The following TNFSF11 variants were observed in gnomAD, a reference collection of about 807,000 sequenced individuals.
TNFSF11 encodes tumor necrosis factor ligand superfamily member 11.
In TNFSF11, 12 loss-of-function variants were observed where a neutral mutation model predicts 32.2. The ratio of observed to expected loss-of-function variants is 0.37; its 90% CI spans 0.24 to 0.60. The LOEUF (loss-of-function observed/expected upper bound fraction) is 0.60. Among genes scored for constraint, TNFSF11 ranks in the 20% least tolerant of loss-of-function variants. The pLI, the probability that TNFSF11 is intolerant of heterozygous loss-of-function variation, is 0.66. For missense variants in TNFSF11, 345 were observed against 398.0 expected, an observed-to-expected ratio of 0.87 and a Z score of 1.13; for synonymous variants, 172 against 152.1, an observed-to-expected ratio of 1.13 and a Z score of -0.96.
intron 2 of TNFSF11, among the ~76,000 whole-genome samples, chr13:42,589,756 C>G (rs1028053190): frequency 6.6e-6 from 1 of 152,256 alleles, no homozygotes; most frequent in Admixed American, 6.5e-5. Context: ...AAGGGCATGT[C>G]TGTCCTGCGA....
upstream of TNFSF11, among the ~76,000 whole-genome samples, chr13:42,571,929 A>G (rs1355100985): frequency 6.6e-6 from 1 of 152,230 alleles, no homozygotes. Context: ...CTACTATAGC[A>G]GGCAACATTT....
At chr13:42,583,236 C>A (rs1481267754) in intron 2 of TNFSF11, among the ~76,000 whole-genome samples, 13 of 150,732 alleles carry the variant, frequency 8.6e-5, no homozygotes, top group African/African-American at 3.2e-4. Flanking sequence ...CATAGTGAGA[C>A]CTTCATCTCT....
At chr13:42,574,781 T>C (rs1042399408) in intron 1 of TNFSF11, among the ~76,000 whole-genome samples, 2 of 152,126 alleles carry the variant, frequency 1.3e-5, no homozygotes, top group African/African-American at 4.8e-5. Context: ...GGCCGGACGA[T>C]GGGTTTGAAT....
intron 2 of TNFSF11, among the ~76,000 whole-genome samples, chr13:42,600,476 A>G (rs747642597): frequency 2.0e-5 from 3 of 152,178 alleles, no homozygotes; most frequent in Admixed American, 2.0e-4. Flanking sequence ...CAATTACGCC[A>G]TGGTTTATAA....
intron 1 of TNFSF11, among the ~76,000 whole-genome samples, chr13:42,579,907 G>A (rs1469531895): frequency 6.6e-6 from 1 of 151,648 alleles, no homozygotes; most frequent in Admixed American, 6.6e-5. Flanking sequence ...AATAAAATTT[G>A]TATTAGTGAG....
rs1873511315 is a variant in TNFSF11, at chr13:42,579,753, C to T, written c.220-1373C>T. ...TGCAAAGTGTCTGATTGAAAACTTTCCTTGTATAAAAATTCACATATTATG... is the reference window on the plus strand; with the variant it reads ...TGCAAAGTGTCTGATTGAAAACTTTTCTTGTATAAAAATTCACATATTATG... On this transcript the variant is annotated intron_variant, in intron 1 of 4. Transcript: ENST00000398795. 3.6e-5 allele frequency among the ~76,000 whole-genome samples: 3 copies of T among 82,932 alleles called. No individual in the cohort carries two copies. In the South Asian group the frequency reaches 1.3e-3, roughly 36 times the overall value. The allele number at this position is 82,932 out of a possible 152,430, so 54.4% of individuals were successfully genotyped here.
At chr13:42,585,674 A>G (rs1434176821) in intron 2 of TNFSF11, among the ~76,000 whole-genome samples, 2 of 152,216 alleles carry the variant, frequency 1.3e-5, no homozygotes, top group Non-Finnish European at 2.9e-5. Flanking sequence ...GTGAGGAAGG[A>G]GTGAACTCAG....
chr13:42,597,554 T>C (rs1016952638), intron 2 of TNFSF11, among the ~76,000 whole-genome samples: 15 of 152,148 alleles, frequency 9.9e-5, no homozygotes, highest in African/African-American at 3.6e-4. Flanking sequence ...TGCTGCTTCT[T>C]TGGCCTGGAT....
At chr13:42,579,655 T>G (rs1040411835) in intron 1 of TNFSF11, among the ~76,000 whole-genome samples, 1 of 149,752 alleles carries the variant, frequency 6.7e-6, no homozygotes, top group Non-Finnish European at 1.5e-5. Flanking sequence ...TCATATCAGT[T>G]GCCTGGACTT....
intron 2 of TNFSF11, among the ~76,000 whole-genome samples, chr13:42,599,335 A>G (rs1194395886): frequency 7.7e-6 from 1 of 130,308 alleles, no homozygotes; most frequent in African/African-American, 2.9e-5. Flanking sequence ...CTATCTATCT[A>G]TCTATCTATC....
chr13:42,579,806 A>G (rs1873513453), intron 1 of TNFSF11, among the ~76,000 whole-genome samples: 3 of 147,870 alleles, frequency 2.0e-5, no homozygotes, highest in South Asian at 4.4e-4. Flanking sequence ...TAAAGAATAT[A>G]GGAAAAATAC....
At chr13:42,567,079 A>G (rs1469013958) in intron 2 of TNFSF11, among the ~76,000 whole-genome samples, 1 of 152,158 alleles carries the variant, frequency 6.6e-6, no homozygotes, top group Non-Finnish European at 1.5e-5. Flanking sequence ...GGCAAAAATA[A>G]GAGTTTCAAA....
intron 2 of TNFSF11, among the ~76,000 whole-genome samples, chr13:42,588,372 T>A (rs1306406378): frequency 2.0e-5 from 3 of 152,162 alleles, no homozygotes; most frequent in Non-Finnish European, 2.9e-5. Flanking sequence ...CTTTTCTTTG[T>A]GTTACAAGTA....
At chr13:42,604,778 G>T (rs1460512147) in intron 4 of TNFSF11, among the ~76,000 whole-genome samples, 1 of 151,836 alleles carries the variant, frequency 6.6e-6, no homozygotes, top group East Asian at 1.9e-4. Flanking sequence ...CCTTTTTTTT[G>T]TTTGTTTTGT....
chr13:42,565,993 G>A (rs777750119), intron 1 of TNFSF11, among the ~76,000 whole-genome samples: 7 of 152,216 alleles, frequency 4.6e-5, no homozygotes, highest in Admixed American at 3.3e-4. Flanking sequence ...CAGAGAGTAT[G>A]TGGGGATGGG....
chr13:42,573,033 A>G (rs899778135), upstream of TNFSF11, among the ~76,000 whole-genome samples: 1 of 152,164 alleles, frequency 6.6e-6, no homozygotes, highest in Non-Finnish European at 1.5e-5. Flanking sequence ...CCTCTTGTAC[A>G]CTTGAAATTA....
intron 1 of TNFSF11, 84 bp downstream of exon 1, chr13:42,574,606 G>A: frequency 2.0e-6 from 3 of 1,485,744 alleles, no homozygotes; most frequent in Non-Finnish European, 1.8e-6. Context: ...TGGCGGCAGG[G>A]CTGGGCCACC....
chr13:42,602,417 TAAAG>T (rs35884840), intron 4 of TNFSF11, among the ~76,000 whole-genome samples: 2,228 of 152,336 alleles, frequency 0.015, 30 homozygotes, highest in Admixed American at 0.024. Context: ...TTCTCGGAGT[TAAAG>T]AAAGAAAGTT....
intron 1 of TNFSF11, among the ~76,000 whole-genome samples, chr13:42,576,835 T>A (rs1873340646): frequency 6.6e-6 from 1 of 152,248 alleles, no homozygotes; most frequent in South Asian, 2.1e-4. Flanking sequence ...TCTGGTTGCT[T>A]ACAGATGAAA....
Sources: allele counts gnomAD v4.1 joint callset (sites outside exome capture counted in the v4.1 genomes callset), GRCh38; gene constraint gnomAD v4.1.1; transcripts MANE v1.5; gene names NCBI Gene and HGNC (gene_info 2026-07-23, HGNC 2026-07-21).